The following LARGE1 variants were observed in gnomAD, a reference collection of about 807,000 sequenced individuals.
LARGE1 encodes the protein xylosyl- and glucuronyltransferase LARGE1.
LARGE1 carries 43 observed loss-of-function variants against 87.6 expected under a neutral mutation model. The observed-to-expected ratio is 0.49, with a 90% confidence interval of 0.38 to 0.63. The LOEUF (loss-of-function observed/expected upper bound fraction) is 0.63. LARGE1 is among the 30% of genes least tolerant of loss of function. The pLI, the probability that LARGE1 is intolerant of heterozygous loss-of-function variation, is 0.00. For synonymous variants in LARGE1, 434 were observed against 394.6 expected (o/e 1.10, Z -1.18); for missense variants, 802 against 1,000.2 (o/e 0.80, Z 2.67).
intron 6 of LARGE1, 77 bp downstream of exon 6, chr22:33,564,771 T>A (rs1024369928): frequency 9.3e-6 from 14 of 1,508,832 alleles, no homozygotes; most frequent in Admixed American, 1.7e-5. Flanking sequence ...CTCACCTTTT[T>A]AAAAAAGTCA....
rs533930583 is a variant in LARGE1 at position 33,617,589 on chromosome 22, C to A, written c.491+8655G>T. On this transcript the variant is annotated intron_variant, in intron 4 of 14. Coordinates refer to ENST00000397394, the MANE Select transcript of LARGE1 (RefSeq NM_133642.5). ...CAGCTACCAGTTATAAATACACTTG[C>A]GAGCACTGCCTGAGGCCCCTTAGAA... Among the ~76,000 whole-genome samples, 21 of 152,306 alleles carry A rather than the reference C, an allele frequency of 1.4e-4. 1 individual carries two copies. The highest frequency in any genetic ancestry group is 5.1e-4 in the African/African-American group (21 of 41,570).
chr22:33,171,173 C>A (rs1030666024), intron 11 of LARGE1, among the ~76,000 whole-genome samples: 2 of 152,108 alleles, frequency 1.3e-5, no homozygotes, highest in Non-Finnish European at 1.5e-5. Flanking sequence ...AATTTCTAAG[C>A]AGCAAAGCAT....
At chr22:33,565,710 C>T (rs997453883) in intron 5 of LARGE1, among the ~76,000 whole-genome samples, 8 of 152,196 alleles carry the variant, frequency 5.3e-5, no homozygotes, top group African/African-American at 1.9e-4. Context: ...CTTCACCTGA[C>T]AGCAATAGAG....
At chr22:33,322,224 G>A (rs1397341152) in intron 10 of LARGE1, among the ~76,000 whole-genome samples, 1 of 152,132 alleles carries the variant, frequency 6.6e-6, no homozygotes, top group African/African-American at 2.4e-5. Context: ...GCATCCATAT[G>A]GTGAGCTCCT....
chr22:33,604,608 G>C, intron 4 of LARGE1, 50 bp from the exon 5 acceptor site: 1 of 1,612,302 alleles, frequency 6.2e-7, no homozygotes, highest in Non-Finnish European at 8.5e-7. Flanking sequence ...ACGGCTCTTT[G>C]AATTACAGCT....
intron 5 of LARGE1, among the ~76,000 whole-genome samples, chr22:33,594,875 G>T (rs12159900): frequency 6.6e-6 from 1 of 152,134 alleles, no homozygotes; most frequent in Non-Finnish European, 1.5e-5. Flanking sequence ...CCAAAGTGCT[G>T]GTATTACAGG....
At chr22:33,167,355 A>C (rs932376934) in intron 11 of LARGE1, among the ~76,000 whole-genome samples, 2 of 152,204 alleles carry the variant, frequency 1.3e-5, no homozygotes, top group African/African-American at 4.8e-5. Context: ...GATGAAGAAA[A>C]TTTGTTCAAA....
the LARGE1 span, among the ~76,000 whole-genome samples, chr22:33,117,038 GGTGA>G: frequency 6.6e-6 from 1 of 152,174 alleles, no homozygotes; most frequent in African/African-American, 2.4e-5. Context: ...TCAGTACTGT[GGTGA>G]GTGAGTCACA....
At chr22:33,435,183 G>A (rs2067223151) in intron 6 of LARGE1, among the ~76,000 whole-genome samples, 1 of 152,116 alleles carries the variant, frequency 6.6e-6, no homozygotes, top group African/African-American at 2.4e-5. Flanking sequence ...TGTATTTTTA[G>A]CAGAGACAGG....
intron 9 of LARGE1, among the ~76,000 whole-genome samples, chr22:33,355,066 T>C (rs1267637652): frequency 6.6e-6 from 1 of 152,214 alleles, no homozygotes; most frequent in Non-Finnish European, 1.5e-5. Context: ...TGCATTGGAA[T>C]AGGTCAGATA....
intron 11 of LARGE1, among the ~76,000 whole-genome samples, chr22:33,178,768 T>C (rs1923011132): frequency 6.6e-6 from 1 of 152,194 alleles, no homozygotes; most frequent in South Asian, 2.1e-4. Context: ...ACCATAAATA[T>C]TATACCAGTT....
intron 5 of LARGE1, among the ~76,000 whole-genome samples, chr22:33,579,802 G>C (rs565798746): frequency 6.6e-6 from 1 of 152,288 alleles, no homozygotes; most frequent in Non-Finnish European, 1.5e-5. Flanking sequence ...GTGCAATCAA[G>C]CCTGAGGTAC....
At chr22:33,111,283 T>C in the LARGE1 span, among the ~76,000 whole-genome samples, 46 of 152,292 alleles carry the variant, frequency 3.0e-4, no homozygotes, top group African/African-American at 1.1e-3. Context: ...TGGATTTCCT[T>C]TCTGCTCTCC....
intron 2 of LARGE1, among the ~76,000 whole-genome samples, chr22:33,651,340 C>T (rs1198715652): frequency 7.6e-6 from 1 of 131,900 alleles, no homozygotes; most frequent in Non-Finnish European, 1.5e-5. Flanking sequence ...TGCAGTGAGC[C>T]GAGATCGCAC....
chr22:33,430,874 A>G (rs945143837), intron 7 of LARGE1, among the ~76,000 whole-genome samples: 1 of 152,154 alleles, frequency 6.6e-6, no homozygotes, highest in African/African-American at 2.4e-5. Flanking sequence ...ATCAGCTCTC[A>G]GAATTTGGGA....
At chr22:33,615,468 A>G (rs1442525001) in intron 4 of LARGE1, among the ~76,000 whole-genome samples, 6 of 146,884 alleles carry the variant, frequency 4.1e-5, no homozygotes, top group Non-Finnish European at 8.9e-5. Context: ...CAATGAAAGA[A>G]AAAACAGATT....
At chr22:33,635,164 T>C (rs1284618342) in intron 3 of LARGE1, among the ~76,000 whole-genome samples, 1 of 151,146 alleles carries the variant, frequency 6.6e-6, no homozygotes, top group African/African-American at 2.4e-5. Flanking sequence ...AATCTGGAGA[T>C]TCACTCCTTA....
intron 5 of LARGE1, among the ~76,000 whole-genome samples, chr22:33,591,087 G>T (rs2078825746): frequency 6.6e-6 from 1 of 152,226 alleles, no homozygotes; most frequent in Non-Finnish European, 1.5e-5. Context: ...TGTAATTCCA[G>T]CTATTCGGGA....
chr22:33,481,705 C>T (rs868221655), intron 6 of LARGE1, among the ~76,000 whole-genome samples: 3 of 152,062 alleles, frequency 2.0e-5, no homozygotes, highest in African/African-American at 2.4e-5. Flanking sequence ...AAACCTTGCC[C>T]GTTAGAACAA....
Sources: allele counts gnomAD v4.1 joint callset (sites outside exome capture counted in the v4.1 genomes callset), GRCh38; gene constraint gnomAD v4.1.1; transcripts MANE v1.5; gene names NCBI Gene and HGNC (gene_info 2026-07-23, HGNC 2026-07-21).